Variants in STRBP observed in about 807,000 individuals in gnomAD.
STRBP encodes the protein spermatid perinuclear RNA binding protein.
STRBP carries 13 observed loss-of-function variants against 80.1 expected under a neutral mutation model. That is an observed-to-expected ratio of 0.16 (90% CI 0.11 to 0.26). STRBP has a LOEUF of 0.26. STRBP is among the 10% of genes least tolerant of loss of function. The pLI, the probability that STRBP is intolerant of heterozygous loss-of-function variation, is 1.00. For missense variants in STRBP, 485 were observed against 815.2 expected (o/e 0.59, Z 4.93); for synonymous variants, 284 against 291.2 (o/e 0.98, Z 0.25).
At position 123,147,854 on chromosome 9, in the gene STRBP, A is replaced by G. The variant is rs1335355346; in HGVS notation, c.1062T>C (p.Ala354=). Reference sequence around the variant, plus strand: ...ATCCATCTTCAAATGGCCTCTTTAGAGCTGAAGACCCAGCACCTAAAAAAA... The same window carrying G: ...ATCCATCTTCAAATGGCCTCTTTAGGGCTGAAGACCCAGCACCTAAAAAAA... ...VTDKEGAGSS[A]LKRPFEDGLG... Residue 354 remains alanine, a synonymous_variant, in exon 12 of 19, where the codon GCT becomes GCC. Coordinates refer to ENST00000348403, the MANE Select transcript of STRBP (RefSeq NM_018387.5). 1.4e-5 allele frequency: 23 copies of G among 1,612,428 alleles called. 1 individual carries two copies. The South Asian group carries it at 2.5e-4, about 18-fold the overall frequency.
intron 2 of STRBP, among the ~76,000 whole-genome samples, chr9:123,215,771 C>G (rs2039876557): frequency 6.6e-6 from 1 of 151,996 alleles, no homozygotes; most frequent in South Asian, 2.1e-4. Context: ...GAGACAAGAG[C>G]GAAACTCCAT....
At chr9:123,242,602 C>T (rs2040717474) in intron 1 of STRBP, among the ~76,000 whole-genome samples, 1 of 152,078 alleles carries the variant, frequency 6.6e-6, no homozygotes, top group Non-Finnish European at 1.5e-5. Flanking sequence ...AAAGGTTGCA[C>T]TAAGTAGAGA....
chr9:123,114,877 G>A (rs1343942657), intron 3 of STRBP: 1 of 279,706 alleles, frequency 3.6e-6, no homozygotes, highest in Non-Finnish European at 7.4e-6. Context: ...ATCCGGCAGA[G>A]GAGCCTGGCC....
intron 1 of STRBP, among the ~76,000 whole-genome samples, chr9:123,257,828 A>G (rs906888427): frequency 2.0e-5 from 3 of 151,868 alleles, no homozygotes; most frequent in Non-Finnish European, 4.4e-5. Flanking sequence ...AAAAAATAAT[A>G]ATAATTGTAT....
chr9:123,174,964 C>T (rs1478296925), intron 4 of STRBP, among the ~76,000 whole-genome samples: 1 of 152,100 alleles, frequency 6.6e-6, no homozygotes, highest in Non-Finnish European at 1.5e-5. Flanking sequence ...ACAGTCTCTC[C>T]TGCTCCTGAG....
intron 2 of STRBP, among the ~76,000 whole-genome samples, chr9:123,234,010 C>A (rs147439553): frequency 6.6e-6 from 1 of 151,960 alleles, no homozygotes; most frequent in Admixed American, 6.6e-5. Flanking sequence ...ACCATCCTGG[C>A]TAATACGGTG....
intron 5 of STRBP, among the ~76,000 whole-genome samples, 185 bp downstream of exon 5, chr9:123,173,492 A>G (rs2038093981): frequency 6.6e-6 from 1 of 152,186 alleles, no homozygotes; most frequent in African/African-American, 2.4e-5. Context: ...ATATATCCTG[A>G]GTACAAATCA....
At position 123,233,995 on chromosome 9, in the gene STRBP, T is replaced by C. The variant is rs1241404044; in HGVS notation, c.-165+2835A>G. ...GCGGGCAGATCACGAGGTCAGGAGA[T>C]TGAGACCATCCTGGCTAATACGGTG... is the stretch of plus-strand genomic sequence containing the variant. On this transcript the variant is annotated intron_variant, in intron 2 of 18. Transcript: ENST00000348403. Among the ~76,000 whole-genome samples, 3 of 151,830 alleles carry C rather than the reference T, an allele frequency of 2.0e-5. No homozygotes were observed. In the East Asian group the frequency reaches 5.8e-4, roughly 29 times the overall value.
At chr9:123,263,196 T>C (rs768904954) in intron 1 of STRBP, among the ~76,000 whole-genome samples, 1 of 151,676 alleles carries the variant, frequency 6.6e-6, no homozygotes, top group Non-Finnish European at 1.5e-5. Flanking sequence ...ACTATTAGAG[T>C]AGATCACGTA....
rs537436708 is a variant in STRBP at position 123,260,942 on chromosome 9, A to G, written c.-302+7494T>C. ...TTAATTTCTGCTCACTTCCAAAAAAAGAAAATATGCTTTATAGCTTCCAAA... is the reference window on the plus strand; with the variant it reads ...TTAATTTCTGCTCACTTCCAAAAAAGGAAAATATGCTTTATAGCTTCCAAA... On this transcript the variant is annotated intron_variant, in intron 1 of 18. Coordinates refer to ENST00000348403, the MANE Select transcript of STRBP (RefSeq NM_018387.5). Among the ~76,000 whole-genome samples the G allele has an allele frequency of 2.0e-5, 3 of 152,360 alleles. No homozygotes were observed. The East Asian group carries it at 5.8e-4, about 29-fold the overall frequency.
intron 1 of STRBP, among the ~76,000 whole-genome samples, chr9:123,259,577 C>T (rs904326768): frequency 2.6e-5 from 4 of 152,152 alleles, no homozygotes; most frequent in South Asian, 2.1e-4. Context: ...GGCGTGGTGG[C>T]GCATGCCTGT....
Position 123,115,664 on chromosome 9 carries a change from T to A in STRBP, c.*84+265A>T. On this transcript the variant is annotated intron_variant and NMD_transcript_variant, in intron 3 of 3. Transcript: ENST00000471564. The surrounding 1 kb of genome is among the most constrained non-coding windows in gnomAD (Gnocchi z 5.0). ...ATCTACGTGCCCAAGAAGGGAGACA[T>A]GGTCTTGGCAGCATCACCAGTCAAC... 3.0e-6 allele frequency: 1 copy of A among 336,468 alleles called. No homozygotes were observed. Among genetic ancestry groups the A allele is most frequent in the Admixed American group, 4.0e-5 (1 of 24,894 alleles). 20.8% of individuals were successfully genotyped at this position (336,468 alleles called of 1,614,324 possible).
Position 123,122,270 on chromosome 9 carries a change from G to C in STRBP, c.*3327C>G. 1 of 1,239,700 alleles carries C rather than the reference G, an allele frequency of 8.1e-7. No individual in the cohort carries two copies. The highest frequency in any genetic ancestry group is 2.3e-5 in the Admixed American group (1 of 43,370). The allele number at this position is 1,239,700 out of a possible 1,614,324, so 76.8% of individuals were successfully genotyped here. A position where few individuals can be genotyped will look rare whatever the true frequency, so the allele number is the denominator to read the frequency against. On this transcript the variant is annotated 3_prime_UTR_variant, in exon 19 of 19. Coordinates refer to ENST00000348403, the MANE Select transcript of STRBP (RefSeq NM_018387.5). ...ACAAGTGATATGGCTACGAAGGTCC[G>C]AGGAGAACGAGAATAAAGTGAGATA...
chr9:123,111,579 T>C, intron 3 of STRBP: 1 of 479,620 alleles, frequency 2.1e-6, no homozygotes, highest in Non-Finnish European at 4.3e-6. Context: ...CTCTTGTCTG[T>C]AAGTAACTCC....
intron 1 of STRBP, among the ~76,000 whole-genome samples, chr9:123,268,077 G>T (rs1408391863): frequency 7.0e-6 from 1 of 142,350 alleles, no homozygotes; most frequent in African/African-American, 2.7e-5. Context: ...CCTGCCCCGA[G>T]CCCCGAGCCC....
At chr9:123,188,020 C>T (rs939310123) in intron 2 of STRBP, among the ~76,000 whole-genome samples, 3 of 151,944 alleles carry the variant, frequency 2.0e-5, no homozygotes, top group Non-Finnish European at 2.9e-5. Context: ...CCTATTTGAC[C>T]TTCCCACCTT....
chr9:123,257,278 T>C (rs1300687141), intron 1 of STRBP, among the ~76,000 whole-genome samples: 3 of 152,220 alleles, frequency 2.0e-5, no homozygotes, highest in Non-Finnish European at 4.4e-5. Context: ...CAGTTCTATT[T>C]GTTTTCCATG....
intron 2 of STRBP, among the ~76,000 whole-genome samples, chr9:123,222,058 T>C (rs915580292): frequency 6.6e-6 from 1 of 152,224 alleles, no homozygotes; most frequent in Non-Finnish European, 1.5e-5. Context: ...TTTACATTTA[T>C]CACCTGGCAA....
Position 123,147,766 on chromosome 9 carries a change from G to C in STRBP, c.1138+12C>G, listed in dbSNP as rs1284889027. On this transcript the variant is annotated intron_variant, in intron 12 of 18. Coordinates refer to ENST00000348403, the MANE Select transcript of STRBP (RefSeq NM_018387.5). ...TCTAGTTTGCATCTATAAGAATAAA[G>C]GTTTTACACACTTTTCCTTAAGTTT... The C allele has an allele frequency of 1.9e-6, 3 of 1,593,160 alleles. No individual in the cohort carries two copies. The South Asian group carries it at 3.4e-5, about 18-fold the overall frequency.
Sources: gnomAD v4.1 joint callset for allele counts (sites outside exome capture counted in the v4.1 genomes callset) on GRCh38, gnomAD v4.1.1 for gene constraint, Gnocchi (gnomAD v3.1) non-coding constraint, MANE v1.5 for transcripts, NCBI Gene and HGNC (gene_info 2026-07-23, HGNC 2026-07-21) for gene names.